PEX14: variants seen among roughly 807,000 people sequenced by gnomAD.
The protein encoded by PEX14 is peroxisomal membrane protein PEX14.
PEX14 carries 15 observed loss-of-function variants against 49.5 expected under a neutral mutation model. That is an observed-to-expected ratio of 0.30 (90% CI 0.20 to 0.47). PEX14 has a LOEUF of 0.47. PEX14 is among the 20% of genes least tolerant of loss of function. PEX14 has a pLI of 1.00. For missense variants in PEX14, 398 were observed against 494.8 expected (o/e 0.80, Z 1.86); for synonymous variants, 210 against 212.7 (o/e 0.99, Z 0.11).
At chr1:10,499,019 C>A (rs1309045915) in intron 2 of PEX14, among the ~76,000 whole-genome samples, 1 of 152,196 alleles carries the variant, frequency 6.6e-6, no homozygotes, top group African/African-American at 2.4e-5. Flanking sequence ...AGGACCAAGT[C>A]CCTGCCTGGT....
chr1:10,607,792 G>A (rs761792445), intron 4 of PEX14, among the ~76,000 whole-genome samples: 21 of 152,256 alleles, frequency 1.4e-4, no homozygotes, highest in Non-Finnish European at 2.6e-4. Context: ...TCAGATACAT[G>A]TATTATGAGT....
At chr1:10,516,577 C>A (rs1641974293) in intron 2 of PEX14, among the ~76,000 whole-genome samples, 1 of 152,224 alleles carries the variant, frequency 6.6e-6, no homozygotes, top group Non-Finnish European at 1.5e-5. Flanking sequence ...TCTGTGCTGG[C>A]ATCTGTGACT....
intron 1 of PEX14, among the ~76,000 whole-genome samples, chr1:10,478,252 A>G (rs567759801): frequency 6.6e-6 from 1 of 152,194 alleles, no homozygotes; most frequent in Admixed American, 6.6e-5. Flanking sequence ...GTCTATTATT[A>G]TTATTATTCA....
At chr1:10,583,373 T>A (rs1367128135) in intron 3 of PEX14, among the ~76,000 whole-genome samples, 1 of 149,558 alleles carries the variant, frequency 6.7e-6, no homozygotes, top group Non-Finnish European at 1.5e-5. Flanking sequence ...ATATACACCA[T>A]TGCACCCAGC....
intron 3 of PEX14, among the ~76,000 whole-genome samples, chr1:10,537,992 C>T (rs1042808266): frequency 6.6e-6 from 1 of 152,224 alleles, no homozygotes; most frequent in African/African-American, 2.4e-5. Context: ...CTGATCAATT[C>T]ATCCAAGAGT....
chr1:10,620,734 G>A (rs1641565031), intron 5 of PEX14, among the ~76,000 whole-genome samples: 1 of 152,236 alleles, frequency 6.6e-6, no homozygotes, highest in Admixed American at 6.5e-5. Flanking sequence ...GTTGCAGTGA[G>A]CCTGCAGTGA....
chr1:10,622,310 C>T (rs1265575741), intron 5 of PEX14, among the ~76,000 whole-genome samples: 3 of 152,218 alleles, frequency 2.0e-5, no homozygotes, highest in Non-Finnish European at 4.4e-5. Context: ...CCTCTCCCTT[C>T]TGCCTTGTGT....
At chr1:10,496,095 T>C (rs1041150255) in intron 2 of PEX14, among the ~76,000 whole-genome samples, 1 of 152,242 alleles carries the variant, frequency 6.6e-6, no homozygotes. Context: ...TCACCTGTTC[T>C]GCTTCACTCC....
intron 2 of PEX14, among the ~76,000 whole-genome samples, chr1:10,517,327 TG>T: frequency 6.6e-6 from 1 of 152,258 alleles, no homozygotes; most frequent in East Asian, 1.9e-4. Flanking sequence ...CCTCTCCTAT[TG>T]GGGGCAGAGT....
intron 3 of PEX14, among the ~76,000 whole-genome samples, chr1:10,570,591 C>CA (rs1639943346): frequency 6.6e-6 from 1 of 152,180 alleles, no homozygotes; most frequent in African/African-American, 2.4e-5. Flanking sequence ...CTCAGCCTCT[C>CA]AAAGTGCTGG....
intron 8 of PEX14, among the ~76,000 whole-genome samples, chr1:10,627,702 C>T (rs1025125731): frequency 6.6e-6 from 1 of 152,232 alleles, no homozygotes; most frequent in South Asian, 2.1e-4. Flanking sequence ...TCCAGGTGAC[C>T]ACTCAGTGAC....
intron 7 of PEX14, 70 bp from the exon 8 acceptor site, chr1:10,627,202 C>CT (rs1429139458): frequency 4.8e-6 from 5 of 1,037,522 alleles, no homozygotes; most frequent in Non-Finnish European, 7.6e-6. Flanking sequence ...CACCCAGGTC[C>CT]TCCTGCAGCC....
intron 1 of PEX14, among the ~76,000 whole-genome samples, chr1:10,488,705 G>A (rs545091642): frequency 3.3e-5 from 5 of 150,850 alleles, no homozygotes; most frequent in East Asian, 2.0e-4. Context: ...GGGTTTCACC[G>A]TGTTAGCCAG....
rs1260101352 is a variant in PEX14, at chr1:10,539,321, A to C, written c.169+3024A>C. Among the ~76,000 whole-genome samples, 2 of 152,124 alleles carry C rather than the reference A, an allele frequency of 1.3e-5. No homozygotes were observed. Among genetic ancestry groups the C allele is most frequent in the Admixed American group, 6.5e-5 (1 of 15,280 alleles). On this transcript the variant is annotated intron_variant, in intron 3 of 8. Coordinates refer to ENST00000356607, the MANE Select transcript of PEX14 (RefSeq NM_004565.3). This position sits in a 1 kb window ranked among gnomAD's most constrained non-coding sequence, Gnocchi z 4.6. Reference sequence around the variant, plus strand: ...CTTTCGGATGCTTTAAAATCTGAACATGGAGCCATTAATGAGAAACGTGAA... The same window carrying C: ...CTTTCGGATGCTTTAAAATCTGAACCTGGAGCCATTAATGAGAAACGTGAA...
chr1:10,521,206 T>C (rs1311066605), intron 2 of PEX14, among the ~76,000 whole-genome samples: 1 of 152,104 alleles, frequency 6.6e-6, no homozygotes, highest in African/African-American at 2.4e-5. Flanking sequence ...CTCTTATCTT[T>C]TCTCCCTTTT....
At chr1:10,626,588 C>T (rs571163860) in intron 7 of PEX14, among the ~76,000 whole-genome samples, 6 of 152,376 alleles carry the variant, frequency 3.9e-5, no homozygotes, top group Non-Finnish European at 8.8e-5. Context: ...AGCCAGGGAA[C>T]GTCCCCTCTG....
intron 3 of PEX14, among the ~76,000 whole-genome samples, chr1:10,585,765 G>A (rs1275123433): frequency 3.9e-5 from 6 of 152,152 alleles, no homozygotes; most frequent in African/African-American, 9.7e-5. Flanking sequence ...ATGCAGTGGT[G>A]CATGCCTGTA....
At chr1:10,496,650 T>A (rs1363900367) in intron 2 of PEX14, among the ~76,000 whole-genome samples, 1 of 152,182 alleles carries the variant, frequency 6.6e-6, no homozygotes, top group East Asian at 1.9e-4. Context: ...TTGGGAGCCC[T>A]GAGCAGTTGG....
intron 4 of PEX14, among the ~76,000 whole-genome samples, chr1:10,616,319 C>A (rs1460679678): frequency 6.6e-6 from 1 of 152,154 alleles, no homozygotes; most frequent in Non-Finnish European, 1.5e-5. Flanking sequence ...CCTTCTCCTC[C>A]CCTGTGGTCA....
Sources: gnomAD v4.1 joint callset for allele counts (sites outside exome capture counted in the v4.1 genomes callset) on GRCh38, gnomAD v4.1.1 for gene constraint, Gnocchi (gnomAD v3.1) non-coding constraint, MANE v1.5 for transcripts, NCBI Gene and HGNC (gene_info 2026-07-23, HGNC 2026-07-21) for gene names.